CIBAR1: variants seen among roughly 807,000 people sequenced by gnomAD.
CIBAR1 encodes CBY1-interacting BAR domain-containing protein 1.
A neutral mutation model predicts 44.0 loss-of-function variants in CIBAR1; 25 were observed. The ratio of observed to expected loss-of-function variants is 0.57; its 90% CI spans 0.41 to 0.79. The LOEUF (loss-of-function observed/expected upper bound fraction) is 0.79, where lower values mean the gene tolerates loss of function less well. Ranked by LOEUF, CIBAR1 falls within the 30% of genes least tolerant of loss-of-function variation. The pLI is 0.00. For missense variants in CIBAR1, 278 were observed against 344.8 expected, an observed-to-expected ratio of 0.81 and a Z score of 1.53; for synonymous variants, 115 against 119.0, an observed-to-expected ratio of 0.97 and a Z score of 0.22.
At chr8:93,702,016 C>T in intron 2 of CIBAR1, 1 of 231,230 alleles carries the variant, frequency 4.3e-6, no homozygotes, top group Non-Finnish European at 8.7e-6. Flanking sequence ...GAGAAGTGTC[C>T]TTGTGATTGT....
chr8:93,705,214 AC>A, intron 4 of CIBAR1: 2 of 436,614 alleles, frequency 4.6e-6, no homozygotes, highest in Admixed American at 8.2e-5. Context: ...ATTGTTTTAC[AC>A]AGTAGACTTT....
chr8:93,721,025 G>A (rs1474373306), intron 7 of CIBAR1: 2 of 152,106 alleles, frequency 1.3e-5, no homozygotes, highest in African/African-American at 2.4e-5. Flanking sequence ...ACTTATTTCT[G>A]ATTTCTGTGG....
intron 4 of CIBAR1, chr8:93,706,120 C>G (rs1563640571): frequency 6.6e-6 from 1 of 152,224 alleles, no homozygotes; most frequent in Non-Finnish European, 1.5e-5. Context: ...CAGAACACCT[C>G]CATTCCTGAG....
At chr8:93,719,158 C>T (rs550830795) in intron 7 of CIBAR1, among the ~76,000 whole-genome samples, 1 of 152,150 alleles carries the variant, frequency 6.6e-6, no homozygotes, top group African/African-American at 2.4e-5. Flanking sequence ...ACCACCGTGC[C>T]CAGCCATGAT....
intron 7 of CIBAR1, among the ~76,000 whole-genome samples, chr8:93,722,114 T>G (rs1445898098): frequency 6.6e-6 from 1 of 152,214 alleles, no homozygotes; most frequent in African/African-American, 2.4e-5. Context: ...ACTATTATTA[T>G]GCCATTATTG....
intron 1 of CIBAR1, chr8:93,700,994 C>G (rs1316895388): frequency 8.5e-6 from 12 of 1,405,196 alleles, no homozygotes; most frequent in Non-Finnish European, 1.1e-5. Flanking sequence ...AGCCACCTCC[C>G]CAGTTAAGGC....
At chr8:93,704,454 C>T (rs1303068600) in intron 3 of CIBAR1, among the ~76,000 whole-genome samples, 1 of 152,322 alleles carries the variant, frequency 6.6e-6, no homozygotes, top group South Asian at 2.1e-4. Flanking sequence ...GATGCTGCCT[C>T]TGATCTAACA....
At chr8:93,713,135 T>G (rs896969681) in intron 6 of CIBAR1, among the ~76,000 whole-genome samples, 40 of 149,370 alleles carry the variant, frequency 2.7e-4, no homozygotes, top group Non-Finnish European at 2.5e-4. Flanking sequence ...CAGGTTCAAG[T>G]GATTCTTCTG....
intron 6 of CIBAR1, among the ~76,000 whole-genome samples, chr8:93,716,354 G>GT (rs961897144): frequency 1.3e-3 from 187 of 141,008 alleles, no homozygotes; most frequent in East Asian, 1.4e-3. Context: ...TGTGTTTGTT[G>GT]TTTTTTTTTT....
In CIBAR1 at chr8:93,731,014, A is replaced by C. The variant is rs1182238886; in HGVS notation, c.*2717A>C. Reference sequence around the variant, plus strand: ...TGTCTCTACAAATAATAAAAAATTTAGCCAGACAAGGTGGCACACACCTGT... The same window carrying C: ...TGTCTCTACAAATAATAAAAAATTTCGCCAGACAAGGTGGCACACACCTGT... On this transcript the variant is annotated 3_prime_UTR_variant, in exon 9 of 9. Coordinates refer to ENST00000518322, the MANE Select transcript of CIBAR1 (RefSeq NM_145269.5). 6.6e-6 allele frequency: 1 copy of C among 152,214 alleles called. No individual in the cohort carries two copies. Among genetic ancestry groups the C allele is most frequent in the Non-Finnish European group, 1.5e-5 (1 of 68,046 alleles). The allele number at this position is 152,214 out of a possible 1,614,324, so 9.4% of individuals were successfully genotyped here.
At chr8:93,702,381 C>A in intron 2 of CIBAR1, 1 of 386,774 alleles carries the variant, frequency 2.6e-6, no homozygotes, top group South Asian at 1.9e-5. Context: ...TTTATATTCA[C>A]AGGTAATCCT....
intron 1 of CIBAR1, chr8:93,700,980 G>GAGCAGCCAC (rs1316622042): frequency 5.9e-5 from 83 of 1,394,998 alleles, no homozygotes; most frequent in African/African-American, 2.9e-5. Flanking sequence ...GGAGCAGCCG[G>GAGCAGCCAC]AGCAGCCACC....
At chr8:93,706,321 A>T (rs1312133912) in intron 4 of CIBAR1, 1 of 147,124 alleles carries the variant, frequency 6.8e-6, no homozygotes, top group Non-Finnish European at 1.5e-5. Context: ...TGGAGATTAT[A>T]GAATCTGTGT....
chr8:93,707,367 C>T (rs1384314244), intron 4 of CIBAR1: 3 of 208,482 alleles, frequency 1.4e-5, no homozygotes, highest in African/African-American at 7.1e-5. Context: ...TGAAGCTACA[C>T]ATATCCCGGT....
intron 4 of CIBAR1, among the ~76,000 whole-genome samples, chr8:93,706,968 T>C (rs1213314810): frequency 1.3e-5 from 2 of 152,214 alleles, no homozygotes; most frequent in Admixed American, 6.5e-5. Flanking sequence ...ATAGAGAGGA[T>C]AGGGAAAAGA....
intron 3 of CIBAR1, 57 bp downstream of exon 3, chr8:93,703,745 T>C: frequency 7.4e-7 from 1 of 1,344,600 alleles, no homozygotes; most frequent in Non-Finnish European, 1.0e-6. Flanking sequence ...GACTATGAGG[T>C]TTCCAATTGT....
At chr8:93,705,180 G>A (rs530411522) in intron 4 of CIBAR1, 170 bp downstream of exon 4, 6 of 530,360 alleles carry the variant, frequency 1.1e-5, no homozygotes, top group African/African-American at 3.9e-5. Context: ...AAGAGGTTAC[G>A]CCACCTAATT....
intron 6 of CIBAR1, among the ~76,000 whole-genome samples, chr8:93,717,749 T>C (rs1334879023): frequency 6.6e-6 from 1 of 152,226 alleles, no homozygotes; most frequent in Non-Finnish European, 1.5e-5. Context: ...TTGAGTATTT[T>C]CTGCCTTGTT....
intron 7 of CIBAR1, among the ~76,000 whole-genome samples, chr8:93,722,741 T>G (rs529068930): frequency 2.6e-5 from 4 of 152,282 alleles, no homozygotes; most frequent in African/African-American, 9.6e-5. Flanking sequence ...TGTATTAACT[T>G]CAGAGCACAT....
Sources: gnomAD v4.1 joint callset for allele counts (sites outside exome capture counted in the v4.1 genomes callset) on GRCh38, gnomAD v4.1.1 for gene constraint, MANE v1.5 for transcripts, NCBI Gene and HGNC (gene_info 2026-07-23, HGNC 2026-07-21) for gene names.